The following ARHGAP22 variants were observed in gnomAD, a reference collection of about 807,000 sequenced individuals.
ARHGAP22 encodes the protein rho GTPase-activating protein 22.
ARHGAP22 carries 48 observed loss-of-function variants against 59.1 expected under a neutral mutation model. That is an observed-to-expected ratio of 0.81 (90% confidence interval 0.64 to 1.03). The LOEUF (loss-of-function observed/expected upper bound fraction) is 1.03. Among genes scored for constraint, ARHGAP22 ranks in the 50% least tolerant of loss-of-function variants. ARHGAP22 has a pLI of 0.00. For missense variants in ARHGAP22, 1,015 were observed against 958.7 expected (o/e 1.06, Z -0.78); for synonymous variants, 445 against 416.4 (o/e 1.07, Z -0.84).
intron 2 of ARHGAP22, among the ~76,000 whole-genome samples, chr10:48,572,355 C>G (rs978316957): frequency 2.0e-5 from 3 of 152,250 alleles, no homozygotes; most frequent in African/African-American, 7.2e-5. Context: ...CCCCCAACCC[C>G]TGGTCCACAA....
intron 3 of ARHGAP22, among the ~76,000 whole-genome samples, chr10:48,488,052 A>T (rs2050023982): frequency 1.3e-5 from 2 of 152,208 alleles, no homozygotes; most frequent in Admixed American, 6.5e-5. Flanking sequence ...ATCCTGTCTC[A>T]ATAAATAAAT....
At chr10:48,493,601 A>G in intron 3 of ARHGAP22, 1 of 1,473,464 alleles carries the variant, frequency 6.8e-7, no homozygotes. Context: ...GGCTGCGGCC[A>G]CTCGGCTGCC....
chr10:48,521,743 T>G (rs1044957443), intron 3 of ARHGAP22, among the ~76,000 whole-genome samples: 4 of 152,102 alleles, frequency 2.6e-5, no homozygotes, highest in Admixed American at 1.3e-4. Context: ...AACCGAACAG[T>G]TTAATGTCCA....
intron 3 of ARHGAP22, among the ~76,000 whole-genome samples, chr10:48,541,394 C>G (rs2055913902): frequency 6.6e-6 from 1 of 152,206 alleles, no homozygotes; most frequent in Non-Finnish European, 1.5e-5. Flanking sequence ...CCCCTTCCTG[C>G]CCGGTGCGCT....
intron 3 of ARHGAP22, among the ~76,000 whole-genome samples, chr10:48,535,022 A>G (rs2055215164): frequency 6.6e-6 from 1 of 152,206 alleles, no homozygotes; most frequent in Admixed American, 6.5e-5. Flanking sequence ...TAGCTGGGGC[A>G]TAGTACTGTG....
At chr10:48,528,435 G>A (rs904217290) in intron 3 of ARHGAP22, among the ~76,000 whole-genome samples, 1 of 152,138 alleles carries the variant, frequency 6.6e-6, no homozygotes, top group African/African-American at 2.4e-5. Context: ...CCTGACACAA[G>A]GCCCAATGTG....
chr10:48,493,234 C>G (rs2050580585), intron 3 of ARHGAP22, among the ~76,000 whole-genome samples: 1 of 152,206 alleles, frequency 6.6e-6, no homozygotes, highest in Non-Finnish European at 1.5e-5. Context: ...GAGGTTCCTG[C>G]ACAGGATCCC....
At chr10:48,473,142 C>T (rs1037656497) in intron 4 of ARHGAP22, among the ~76,000 whole-genome samples, 1 of 152,106 alleles carries the variant, frequency 6.6e-6, no homozygotes, top group Non-Finnish European at 1.5e-5. Flanking sequence ...TATATCCATA[C>T]AATGGAATAT....
At chr10:48,603,011 CA>C (rs1209747513) in intron 1 of ARHGAP22, among the ~76,000 whole-genome samples, 2 of 152,164 alleles carry the variant, frequency 1.3e-5, no homozygotes, top group Non-Finnish European at 2.9e-5. Flanking sequence ...GGAGGCATTT[CA>C]GGGGAAAGAA....
the ARHGAP22 span, chr10:48,434,957 A>C: frequency 7.5e-6 from 12 of 1,604,020 alleles, no homozygotes; most frequent in Non-Finnish European, 1.0e-5. Flanking sequence ...CAATGTCAAC[A>C]GATCCGACTT....
chr10:48,496,364 C>T lies in ARHGAP22; in HGVS notation c.323-16600G>A, dbSNP rs185869777. 5.1e-4 allele frequency among the ~76,000 whole-genome samples: 78 copies of T among 152,272 alleles called. 1 individual carries two copies. Among genetic ancestry groups the T allele is most frequent in the East Asian group, 7.7e-4 (4 of 5,172 alleles). On this transcript the variant is annotated intron_variant, in intron 3 of 9. Coordinates refer to ENST00000249601, the MANE Select transcript of ARHGAP22 (RefSeq NM_021226.4). ...TAAATAACAACAGCAGCCTACTATG[C>T]GCCAGTCATGTGCCACATACACGCA...
At chr10:48,442,779 G>C (rs1164364031), downstream of ARHGAP22, among the ~76,000 whole-genome samples, 2 of 152,076 alleles carry the variant, frequency 1.3e-5, no homozygotes, top group East Asian at 3.9e-4. Context: ...AATAATTATA[G>C]AAAAACACGT....
At chr10:48,574,303 G>A (rs1279221237) in intron 2 of ARHGAP22, among the ~76,000 whole-genome samples, 3 of 152,132 alleles carry the variant, frequency 2.0e-5, no homozygotes, top group Non-Finnish European at 2.9e-5. Flanking sequence ...TATGTGTCAA[G>A]TACCGCTAGG....
chr10:48,441,679 C>T (rs1343158682), downstream of ARHGAP22, among the ~76,000 whole-genome samples: 1 of 152,140 alleles, frequency 6.6e-6, no homozygotes, highest in Non-Finnish European at 1.5e-5. Context: ...GTCTCAATCT[C>T]CTGACCTCGT....
intron 1 of ARHGAP22, among the ~76,000 whole-genome samples, chr10:48,644,994 T>C (rs999855590): frequency 6.6e-6 from 1 of 152,068 alleles, no homozygotes; most frequent in Non-Finnish European, 1.5e-5. Context: ...AAAGCTAGCT[T>C]GTTGAAAAGA....
chr10:48,443,004 C>T (rs1589371367), downstream of ARHGAP22, among the ~76,000 whole-genome samples: 1 of 152,100 alleles, frequency 6.6e-6, no homozygotes, highest in Non-Finnish European at 1.5e-5. Context: ...GGCAGGCGGG[C>T]TCTGGAGTCT....
At chr10:48,580,441 T>C (rs1197185763) in intron 2 of ARHGAP22, among the ~76,000 whole-genome samples, 1 of 152,164 alleles carries the variant, frequency 6.6e-6, no homozygotes, top group Non-Finnish European at 1.5e-5. Context: ...GGAGGCTCTG[T>C]CCATGTGTGG....
chr10:48,646,765 C>T (rs541707333), intron 1 of ARHGAP22, among the ~76,000 whole-genome samples: 2 of 152,258 alleles, frequency 1.3e-5, no homozygotes, highest in South Asian at 2.1e-4. Flanking sequence ...AATGTAGATG[C>T]TAAAACCATA....
intron 3 of ARHGAP22, among the ~76,000 whole-genome samples, chr10:48,486,944 G>C (rs1258942049): frequency 6.6e-6 from 1 of 152,124 alleles, no homozygotes; most frequent in Non-Finnish European, 1.5e-5. Context: ...TGAGAATTTT[G>C]CCATCATCCT....
Sources: allele counts gnomAD v4.1 joint callset (sites outside exome capture counted in the v4.1 genomes callset), GRCh38; gene constraint gnomAD v4.1.1; transcripts MANE v1.5; gene names NCBI Gene and HGNC (gene_info 2026-07-23, HGNC 2026-07-21).